COL4A5: variants seen among roughly 807,000 people sequenced by gnomAD.
The protein encoded by COL4A5 is collagen alpha-5(IV) chain.
COL4A5 carries 26 observed loss-of-function variants against 130.2 expected under a neutral mutation model. That is an observed-to-expected ratio of 0.20 (90% CI 0.15 to 0.28). The LOEUF is 0.28. COL4A5 is among the 10% of genes least tolerant of loss of function. The probability of loss-of-function intolerance (pLI) is 1.00; values close to 1 mark genes in which losing one functional copy is unlikely to be tolerated. For synonymous variants in COL4A5, 496 were observed against 439.6 expected (o/e 1.13, Z -1.60); for missense variants, 1,131 against 1,344.3 (o/e 0.84, Z 2.48).
intron 36 of COL4A5, among the ~76,000 whole-genome samples, chrX:108,637,475 A>G (rs2067376185): frequency 8.9e-6 from 1 of 111,924 alleles, no homozygotes; most frequent in Non-Finnish European, 1.9e-5. Context: ...ACAGAACTAA[A>G]AAAATCATAG....
At chrX:108,655,209 T>C in intron 36 of COL4A5, 122 bp from the exon 37 acceptor site, 2 of 777,888 alleles carry the variant, frequency 2.6e-6, no homozygotes, top group Non-Finnish European at 3.8e-6. Context: ...AATGAAGCAA[T>C]TTACATCAAG....
intron 48 of COL4A5, among the ~76,000 whole-genome samples, chrX:108,687,150 G>A (rs970987165): frequency 8.9e-6 from 1 of 112,189 alleles, no homozygotes; most frequent in African/African-American, 3.2e-5. Context: ...CCCCCAGACG[G>A]ATTCAAAGGA....
intron 6 of COL4A5, 58 bp downstream of exon 6, chrX:108,568,879 C>G (rs2066016447): frequency 1.1e-5 from 11 of 999,629 alleles, no homozygotes; most frequent in Non-Finnish European, 1.6e-5. Context: ...ACTTAAAAAC[C>G]TAAAGAAATC....
chrX:108,493,973 G>A (rs898680301), intron 1 of COL4A5, among the ~76,000 whole-genome samples: 3 of 111,317 alleles, frequency 2.7e-5, no homozygotes, highest in African/African-American at 9.8e-5. Context: ...CTATGCTTTG[G>A]TAACTTTGTT....
intron 10 of COL4A5, among the ~76,000 whole-genome samples, chrX:108,577,699 T>C (rs1035037687): frequency 3.6e-5 from 4 of 111,319 alleles, no homozygotes; most frequent in African/African-American, 1.3e-4. Flanking sequence ...TTTTTGACAA[T>C]GGGGCTACCT....
chrX:108,663,909 G>A (rs1007482272), intron 37 of COL4A5, among the ~76,000 whole-genome samples: 3 of 111,663 alleles, frequency 2.7e-5, no homozygotes, highest in Admixed American at 9.5e-5. Flanking sequence ...AAACGAGGCC[G>A]GGCGCAGTGG....
At chrX:108,491,124 A>G (rs140204076) in intron 1 of COL4A5, among the ~76,000 whole-genome samples, 4 of 111,966 alleles carry the variant, frequency 3.6e-5, no homozygotes, top group Admixed American at 1.9e-4. Flanking sequence ...ATGTGTGCAC[A>G]TGTCTTTATG....
chrX:108,447,274 T>TC (rs1425504972), intron 1 of COL4A5, among the ~76,000 whole-genome samples: 14 of 111,781 alleles, frequency 1.3e-4, no homozygotes, highest in Non-Finnish European at 5.6e-5. Context: ...ATCTTTTTTT[T>TC]CCACTTTGGG....
At chrX:108,690,349 G>T (rs2068624193) in intron 49 of COL4A5, among the ~76,000 whole-genome samples, 1 of 111,434 alleles carries the variant, frequency 9.0e-6, no homozygotes, top group African/African-American at 3.3e-5. Context: ...GGATAAATTA[G>T]ACTAAATCAA....
chrX:108,511,651 A>T (rs2065180288), intron 1 of COL4A5, among the ~76,000 whole-genome samples: 1 of 111,591 alleles, frequency 9.0e-6, no homozygotes, highest in Non-Finnish European at 1.9e-5. Context: ...TCAGAAAAAA[A>T]CTCTCACCTT....
intron 22 of COL4A5, among the ~76,000 whole-genome samples, chrX:108,596,570 A>T (rs2066520229): frequency 8.9e-6 from 1 of 112,301 alleles, no homozygotes; most frequent in East Asian, 2.8e-4. Flanking sequence ...TCAGGGAATG[A>T]CAAACCAAAG....
chrX:108,482,769 C>A (rs1360321696), intron 1 of COL4A5, among the ~76,000 whole-genome samples: 3 of 111,706 alleles, frequency 2.7e-5, no homozygotes, highest in African/African-American at 9.8e-5. Context: ...ACAATCTTAG[C>A]AGATTTGAGG....
At chrX:108,618,192 T>TTCTTCA (rs1392420185) in intron 30 of COL4A5, among the ~76,000 whole-genome samples, 1 of 111,156 alleles carries the variant, frequency 9.0e-6, no homozygotes, top group Non-Finnish European at 1.9e-5. Flanking sequence ...TTATATTGAC[T>TTCTTCA]TCTTCATCCT....
At chrX:108,678,593 T>G (rs2068357578) in intron 44 of COL4A5, among the ~76,000 whole-genome samples, 1 of 111,459 alleles carries the variant, frequency 9.0e-6, no homozygotes, top group Non-Finnish European at 1.9e-5. Flanking sequence ...TTACCAAATG[T>G]CTTGGCTGCA....
At chrX:108,555,805 T>G (rs1366875159) in intron 2 of COL4A5, among the ~76,000 whole-genome samples, 1 of 112,012 alleles carries the variant, frequency 8.9e-6, no homozygotes, top group African/African-American at 3.2e-5. Flanking sequence ...CTCAGTACAT[T>G]AGATTTTTAT....
At chrX:108,566,715 A>C (rs750627461) in intron 4 of COL4A5, among the ~76,000 whole-genome samples, 1 of 109,899 alleles carries the variant, frequency 9.1e-6, no homozygotes, top group East Asian at 2.9e-4. Flanking sequence ...CGCCCGGCTA[A>C]TTTTTTGTGA....
chrX:108,676,258 A>C (rs913546018), intron 43 of COL4A5, among the ~76,000 whole-genome samples: 3 of 112,363 alleles, frequency 2.7e-5, no homozygotes, highest in Non-Finnish European at 5.6e-5. Flanking sequence ...GAAATCAATA[A>C]AATTTGAAAT....
chrX:108,512,185 C>A (rs1278032451), intron 1 of COL4A5, among the ~76,000 whole-genome samples: 2 of 111,830 alleles, frequency 1.8e-5, no homozygotes, highest in Non-Finnish European at 3.8e-5. Flanking sequence ...ATGCAGAAAT[C>A]TTAAGTGAAC....
chrX:108,571,217 G>T (rs987887039), intron 6 of COL4A5, among the ~76,000 whole-genome samples, 196 bp from the exon 7 acceptor site: 6 of 111,817 alleles, frequency 5.4e-5, no homozygotes, highest in Non-Finnish European at 9.4e-5. Context: ...TGGGATAGAT[G>T]AATTGGGATA....
Sources: gnomAD v4.1 joint callset for allele counts (sites outside exome capture counted in the v4.1 genomes callset) on GRCh38, gnomAD v4.1.1 for gene constraint, MANE v1.5 for transcripts, NCBI Gene and HGNC (gene_info 2026-07-23, HGNC 2026-07-21) for gene names.